Variants in PRRC2C observed in about 807,000 individuals in gnomAD.
PRRC2C encodes protein PRRC2C.
Under a neutral mutation model 317.2 loss-of-function variants are expected in PRRC2C, and 72 were observed. The ratio of observed to expected loss-of-function variants is 0.23; its 90% confidence interval spans 0.19 to 0.28. The LOEUF is 0.28. PRRC2C is among the 10% of genes least tolerant of loss of function. PRRC2C has a pLI of 1.00. For missense variants in PRRC2C, 3,074 were observed against 3,459.7 expected, an observed-to-expected ratio of 0.89 and a Z score of 2.80; for synonymous variants, 1,296 against 1,205.9, an observed-to-expected ratio of 1.07 and a Z score of -1.55.
In PRRC2C at chr1:171,571,441, C is replaced by CT. The variant is rs1684754738; in HGVS notation, c.6753+21dup. Reference sequence around the variant, plus strand: ...TTCAAGGTATGTACAACATCCATCTCTAAGAGTCCTTAATTGTTGCATGCA... The same window carrying CT: ...TTCAAGGTATGTACAACATCCATCTCTTAAGAGTCCTTAATTGTTGCATGCA... On this transcript the variant is annotated intron_variant, in intron 24 of 34. Transcript: ENST00000647382. 2 of 1,519,566 alleles carry CT rather than the reference C, an allele frequency of 1.3e-6. No homozygotes were observed. The highest frequency in any genetic ancestry group is 4.5e-5 in the East Asian group (2 of 44,384). The allele number at this position is 1,519,566 out of a possible 1,614,324, so 94.1% of individuals were successfully genotyped here. A position where few individuals can be genotyped will look rare whatever the true frequency, so the allele number is the denominator to read the frequency against.
At chr1:171,499,519 G>C (rs1050011431) in intron 1 of PRRC2C, among the ~76,000 whole-genome samples, 2 of 152,170 alleles carry the variant, frequency 1.3e-5, no homozygotes, top group African/African-American at 2.4e-5. Flanking sequence ...GGCCGGGCAC[G>C]GTGGCTCACG....
chr1:171,514,547 T>A lies in PRRC2C; in HGVS notation c.302T>A (p.Val101Glu), dbSNP rs1324000491. ...EQHEEEKTPE[V>E]PPAQPKPGVA... is the part of the protein sequence containing the mutation. The stretch of plus-strand genomic sequence containing the variant: ...TATTTTTTTTTAAGAACACCAGAAG[T>A]GCCACCAGCACAGCCAAAACCTGGG... The change falls in exon 4 of 35, where the codon GTG becomes GAG. Residue 101 changes from valine to glutamate, a missense_variant. Transcript: ENST00000647382. The A allele has an allele frequency of 6.4e-7, 1 of 1,555,730 alleles. No individual in the cohort carries two copies. The highest frequency in any genetic ancestry group is 1.4e-5 in the African/African-American group (1 of 73,048).
chr1:171,566,900 C>A, intron 22 of PRRC2C, 57 bp downstream of exon 22: 1 of 1,525,186 alleles, frequency 6.6e-7, no homozygotes, highest in Non-Finnish European at 8.8e-7. Flanking sequence ...CTAAAATGAA[C>A]GAGAAGAACA....
chr1:171,498,032 G>A (rs1417720905), intron 1 of PRRC2C, among the ~76,000 whole-genome samples: 3 of 141,298 alleles, frequency 2.1e-5, no homozygotes, highest in Non-Finnish European at 4.5e-5. Flanking sequence ...TTGCTGTGTT[G>A]CCCAGGCTGG....
Position 171,542,278 on chromosome 1 carries a change from T to C in PRRC2C, c.4763+49T>C, listed in dbSNP as rs772390986. ...GTTGCTTTTGCACCTTTAAAGAAGC[T>C]AAAAGTAGAGTTCTTGGTTGAATTA... On this transcript the variant is annotated intron_variant, in intron 16 of 34. Transcript: ENST00000647382. 6 of 1,403,584 alleles carry C rather than the reference T, an allele frequency of 4.3e-6. No individual in the cohort carries two copies. In the Admixed American group the frequency reaches 1.7e-4, roughly 40 times the overall value. The allele number at this position is 1,403,584 out of a possible 1,614,324, so 86.9% of individuals were successfully genotyped here.
intron 3 of PRRC2C, 136 bp downstream of exon 3, chr1:171,513,308 G>C (rs1239330096): frequency 2.9e-6 from 3 of 1,017,154 alleles, no homozygotes; most frequent in Non-Finnish European, 4.3e-6. Context: ...AAAGTCTTTT[G>C]ACTATAGTAA....
At chr1:171,538,926 G>C (rs1050165206) in intron 15 of PRRC2C, among the ~76,000 whole-genome samples, 1 of 151,550 alleles carries the variant, frequency 6.6e-6, no homozygotes, top group Non-Finnish European at 1.5e-5. Context: ...GCCCTGGCTG[G>C]TCTCAAACTC....
intron 11 of PRRC2C, among the ~76,000 whole-genome samples, chr1:171,529,641 T>C (rs1411203981): frequency 1.3e-5 from 2 of 152,234 alleles, no homozygotes; most frequent in Non-Finnish European, 2.9e-5. Context: ...TCTTGACAGA[T>C]ACTGCTTTCC....
intron 28 of PRRC2C, among the ~76,000 whole-genome samples, chr1:171,581,932 G>A (rs1180017825): frequency 6.9e-6 from 1 of 145,536 alleles, no homozygotes; most frequent in Non-Finnish European, 1.5e-5. Context: ...CATCTCAGAT[G>A]ATAGGGAAGT....
In PRRC2C at chr1:171,493,428, T is replaced by G. The variant is rs1312635390; in HGVS notation, c.-58+7693T>G. On this transcript the variant is annotated intron_variant, in intron 1 of 34. Transcript: ENST00000647382. ...GGTAGGAGGATCACTTGAGCTCAAG[T>G]TCAGGGTTGCAAAGTGATGGCACTG... Among the ~76,000 whole-genome samples, 7 of 152,158 alleles carry G rather than the reference T, an allele frequency of 4.6e-5. No individual in the cohort carries two copies. The South Asian group carries it at 8.3e-4, about 18-fold the overall frequency.
intron 12 of PRRC2C, among the ~76,000 whole-genome samples, chr1:171,533,873 C>T (rs538586168): frequency 9.2e-5 from 14 of 152,298 alleles, no homozygotes; most frequent in East Asian, 1.9e-4. Flanking sequence ...CTGCCTGCCT[C>T]GGCCTCCCAA....
chr1:171,540,445 T>C lies in PRRC2C; in HGVS notation c.2979T>C (p.Thr993=). 5.0e-6 allele frequency: 8 copies of C among 1,612,878 alleles called. No individual in the cohort carries two copies. Among genetic ancestry groups the C allele is most frequent in the Non-Finnish European group, 6.8e-6 (8 of 1,179,488 alleles). ...PEKVYKSKSE[T]RWGPRPSSNR... is the part of the protein sequence containing the mutation. ...AAGTATATAAATCTAAATCAGAAAC[T>C]CGTTGGGGCCCACGACCAAGCTCTA... The change falls in exon 16 of 35, where the codon ACT becomes ACC. Residue 993 remains threonine (T), a synonymous_variant. Coordinates refer to ENST00000647382, the MANE Select transcript of PRRC2C (RefSeq NM_001387844.1).
chr1:171,586,980 G>C (rs1650189800), intron 30 of PRRC2C, 23 bp from the exon 31 acceptor site: 4 of 1,529,052 alleles, frequency 2.6e-6, no homozygotes, highest in Non-Finnish European at 3.6e-6. Context: ...AATTGCTTCA[G>C]TTTCTCTTTA....
intron 15 of PRRC2C, among the ~76,000 whole-genome samples, chr1:171,539,502 C>G (rs1168811989): frequency 6.6e-6 from 1 of 152,108 alleles, no homozygotes; most frequent in African/African-American, 2.4e-5. Context: ...CCTATATTTA[C>G]CTTTACCTAT....
intron 34 of PRRC2C, among the ~76,000 whole-genome samples, chr1:171,589,861 A>C (rs1161212417): frequency 6.6e-6 from 1 of 151,002 alleles, no homozygotes; most frequent in African/African-American, 2.4e-5. Context: ...TAATGTCTTA[A>C]ACTGTGGCCA....
chr1:171,537,744 T>C (rs1193480750), intron 15 of PRRC2C, among the ~76,000 whole-genome samples: 4 of 152,136 alleles, frequency 2.6e-5, no homozygotes, highest in African/African-American at 9.7e-5. Flanking sequence ...CTTGCTCTGT[T>C]ATTCAGGCTG....
chr1:171,546,106 C>CT (rs1257121132), intron 17 of PRRC2C, among the ~76,000 whole-genome samples: 1 of 152,016 alleles, frequency 6.6e-6, no homozygotes, highest in Non-Finnish European at 1.5e-5. Flanking sequence ...AAATTGGTGT[C>CT]TAAGATGTGG....
In PRRC2C at chr1:171,558,129, A is replaced by G. The variant is rs138180449; in HGVS notation, c.6017A>G (p.Asp2006Gly). The G allele has an allele frequency of 4.3e-6, 7 of 1,611,522 alleles. No homozygotes were observed. Among genetic ancestry groups the G allele is most frequent in the Middle Eastern group, 1.7e-4 (1 of 6,050 alleles). Residue 2006 changes from aspartate (D) to glycine (G), a missense_variant, in exon 19 of 35, where the codon GAT becomes GGT. Asp to Gly is a moderately conservative substitution (Grantham distance 94, BLOSUM62 -1). Coordinates refer to ENST00000647382, the MANE Select transcript of PRRC2C (RefSeq NM_001387844.1). ...NKVAPPAVLN[D>G]ISKKLGPISP... ...GTGGCCCCACCAGCTGTGCTGAATGATATCTCTAAGAAATGTAAGTTGCAA... is the reference window on the plus strand; with the variant it reads ...GTGGCCCCACCAGCTGTGCTGAATGGTATCTCTAAGAAATGTAAGTTGCAA...
chr1:171,517,417 T>G (rs945710085), intron 5 of PRRC2C, among the ~76,000 whole-genome samples, 174 bp from the exon 6 acceptor site: 1 of 152,098 alleles, frequency 6.6e-6, no homozygotes, highest in East Asian at 1.9e-4. Flanking sequence ...TCCTCTCCAC[T>G]TTGGAAGCCA....
Sources: gnomAD v4.1 joint callset for allele counts (sites outside exome capture counted in the v4.1 genomes callset) on GRCh38, gnomAD v4.1.1 for gene constraint, MANE v1.5 for transcripts, NCBI Gene and HGNC (gene_info 2026-07-23, HGNC 2026-07-21) for gene names.